TMEM232: variants seen among roughly 807,000 people sequenced by gnomAD.
TMEM232 encodes transmembrane protein 232.
TMEM232 carries 80 observed loss-of-function variants against 78.8 expected under a neutral mutation model. The observed-to-expected ratio is 1.01, with a 90% CI of 0.85 to 1.22. The LOEUF is 1.22. TMEM232 is among the 50% of genes most tolerant of loss of function. The probability of loss-of-function intolerance (pLI) is 0.00; values close to 1 mark genes in which losing one functional copy is unlikely to be tolerated. For missense variants in TMEM232, 881 were observed against 742.2 expected (o/e 1.19, Z -2.17); for synonymous variants, 297 against 254.3 (o/e 1.17, Z -1.60).
At chr5:110,547,814 A>G (rs1235552138) in intron 11 of TMEM232, among the ~76,000 whole-genome samples, 1 of 152,002 alleles carries the variant, frequency 6.6e-6, no homozygotes, top group Non-Finnish European at 1.5e-5. Context: ...CCTGTCCGGC[A>G]TGGTGAAATC....
chr5:110,563,135 C>A (rs1775945036), intron 11 of TMEM232, among the ~76,000 whole-genome samples: 1 of 151,904 alleles, frequency 6.6e-6, no homozygotes, highest in African/African-American at 2.4e-5. Context: ...AATGAAAACA[C>A]CCTTTAAATG....
intron 12 of TMEM232, 67 bp downstream of exon 12, chr5:110,528,521 T>C: frequency 1.4e-6 from 2 of 1,386,786 alleles, no homozygotes; most frequent in Non-Finnish European, 1.9e-6. Flanking sequence ...CACATAATTA[T>C]CTATAATTTC....
intron 1 of TMEM232, among the ~76,000 whole-genome samples, chr5:110,718,354 G>A (rs1181491563): frequency 3.9e-5 from 6 of 152,036 alleles, no homozygotes; most frequent in African/African-American, 1.2e-4. Flanking sequence ...ATCTTAAGGC[G>A]AAAATATTAA....
chr5:110,712,546 T>C (rs1463701202), intron 1 of TMEM232, among the ~76,000 whole-genome samples: 1 of 152,150 alleles, frequency 6.6e-6, no homozygotes, highest in Non-Finnish European at 1.5e-5. Flanking sequence ...CCTTTTACCC[T>C]ATATACAGTG....
intron 1 of TMEM232, among the ~76,000 whole-genome samples, chr5:110,679,590 T>C (rs963261365): frequency 6.6e-6 from 1 of 152,198 alleles, no homozygotes; most frequent in Non-Finnish European, 1.5e-5. Flanking sequence ...TAAAAAGTCA[T>C]CACCATATTC....
intron 5 of TMEM232, among the ~76,000 whole-genome samples, chr5:110,636,829 A>C (rs1785906645): frequency 6.6e-6 from 1 of 152,202 alleles, no homozygotes; most frequent in African/African-American, 2.4e-5. Context: ...ATAGTTAAGT[A>C]AGGTTTAAGT....
At chr5:110,704,850 T>A (rs1331574456) in intron 1 of TMEM232, among the ~76,000 whole-genome samples, 3 of 152,110 alleles carry the variant, frequency 2.0e-5, no homozygotes, top group Non-Finnish European at 2.9e-5. Flanking sequence ...AATCAGTTAG[T>A]ATCCAAAAGC....
At chr5:110,558,223 C>A (rs990406166) in intron 11 of TMEM232, among the ~76,000 whole-genome samples, 1 of 152,060 alleles carries the variant, frequency 6.6e-6, no homozygotes, top group Non-Finnish European at 1.5e-5. Flanking sequence ...ATGGGGTATG[C>A]CAGCAGAAGT....
intron 2 of TMEM232, among the ~76,000 whole-genome samples, chr5:110,414,193 C>T (rs1193268681): frequency 6.6e-6 from 1 of 152,078 alleles, no homozygotes; most frequent in South Asian, 2.1e-4. Context: ...TATTTTTGTT[C>T]TTCACTTGTC....
chr5:110,461,330 G>A (rs1171137013), intron 12 of TMEM232, among the ~76,000 whole-genome samples: 2 of 152,138 alleles, frequency 1.3e-5, no homozygotes, highest in African/African-American at 4.8e-5. Context: ...TGAAGCCAAA[G>A]CCTAATCCAG....
intron 12 of TMEM232, among the ~76,000 whole-genome samples, chr5:110,451,174 G>A (rs1384305183): frequency 6.6e-6 from 1 of 152,146 alleles, no homozygotes; most frequent in East Asian, 1.9e-4. Flanking sequence ...CATCTTCTCT[G>A]TTTCCTCAGC....
rs991306242 is a variant in TMEM232 at position 110,420,703 on chromosome 5, T to C, written c.1851A>G (p.Gln617=). ...CTGCTAACTTTTTATCTTTAAGTTC[T>C]TGGGCCTTGCATATTGCATCTTCTT... The part of the protein sequence containing the change: ...REKEDAICKA[Q]ELKDKKLAEK... The change falls in exon 14 of 14, where the codon CAA becomes CAG. Residue 617 remains glutamine (Q), a synonymous_variant. Coordinates refer to ENST00000455884, the MANE Select transcript of TMEM232 (RefSeq NM_001039763.4). The C allele has an allele frequency of 6.5e-7, 1 of 1,528,138 alleles. No individual in the cohort carries two copies. 94.7% of individuals were successfully genotyped at this position (1,528,138 alleles called of 1,614,324 possible).
At chr5:110,421,909 T>A (rs556136446) in intron 13 of TMEM232, among the ~76,000 whole-genome samples, 1 of 152,208 alleles carries the variant, frequency 6.6e-6, no homozygotes, top group Non-Finnish European at 1.5e-5. Context: ...ACTGCACTTA[T>A]CTTAAGGCTG....
intron 12 of TMEM232, among the ~76,000 whole-genome samples, chr5:110,463,460 A>G (rs1761749653): frequency 6.6e-6 from 1 of 152,228 alleles, no homozygotes; most frequent in Non-Finnish European, 1.5e-5. Context: ...TCTTTATTGC[A>G]GTAGTCTAGA....
At chr5:110,487,462 T>C (rs1764586904) in intron 12 of TMEM232, among the ~76,000 whole-genome samples, 1 of 152,130 alleles carries the variant, frequency 6.6e-6, no homozygotes, top group African/African-American at 2.4e-5. Context: ...TAGATGGCTT[T>C]TATTACATTG....
At chr5:110,601,661 GA>G (rs1470015563) in intron 10 of TMEM232, among the ~76,000 whole-genome samples, 4 of 152,058 alleles carry the variant, frequency 2.6e-5, no homozygotes, top group African/African-American at 9.7e-5. Context: ...CAAACAAATG[GA>G]AAAACATTCC....
At chr5:110,638,571 T>C (rs1188254748) in intron 4 of TMEM232, among the ~76,000 whole-genome samples, 2 of 152,086 alleles carry the variant, frequency 1.3e-5, no homozygotes, top group East Asian at 3.9e-4. Flanking sequence ...TTTCAACCAA[T>C]AGAATGTGGC....
At chr5:110,720,254 T>C (rs1185456538) in intron 1 of TMEM232, among the ~76,000 whole-genome samples, 2 of 152,102 alleles carry the variant, frequency 1.3e-5, no homozygotes, top group Non-Finnish European at 2.9e-5. Context: ...TATAATAAGT[T>C]GCAACGAGGG....
rs564522895 is a variant in TMEM232, at chr5:110,405,567, T to A, written n.309-7713A>T. 4.6e-5 allele frequency among the ~76,000 whole-genome samples: 7 copies of A among 151,466 alleles called. No individual in the cohort carries two copies. The South Asian group carries it at 1.5e-3, about 31-fold the overall frequency. On this transcript the variant is annotated intron_variant and non_coding_transcript_variant, in intron 2 of 8. Coordinates refer to the TMEM232 transcript ENST00000507188. ...AGAGATGAACTATTGTGGGAGAGAA[T>A]TGGAAGTTGTAAAATAAAAAAAATT...
Sources: gnomAD v4.1 joint callset for allele counts (sites outside exome capture counted in the v4.1 genomes callset) on GRCh38, gnomAD v4.1.1 for gene constraint, MANE v1.5 for transcripts, NCBI Gene and HGNC (gene_info 2026-07-23, HGNC 2026-07-21) for gene names.